MYO9A: variants seen among roughly 807,000 people sequenced by gnomAD.
MYO9A encodes myosin IXA, also known as unconventional myosin-IXa.
A neutral mutation model predicts 293.3 loss-of-function variants in MYO9A; 103 were observed. The ratio of observed to expected loss-of-function variants is 0.35; its 90% CI spans 0.30 to 0.41. The LOEUF is 0.41. Among genes scored for constraint, MYO9A ranks in the 10% least tolerant of loss-of-function variants. The pLI is 1.00. For missense variants in MYO9A, 2,685 were observed against 3,033.0 expected, an observed-to-expected ratio of 0.89 and a Z score of 2.69; for synonymous variants, 1,001 against 1,035.7, an observed-to-expected ratio of 0.97 and a Z score of 0.64.
At chr15:71,983,470 C>CTTTTTTTTTTTTTTTTTTTTTTTT (rs1170508506) in intron 11 of MYO9A, among the ~76,000 whole-genome samples, 4 of 72,904 alleles carry the variant, frequency 5.5e-5, no homozygotes, top group Admixed American at 2.1e-4. Flanking sequence ...TTTTTTATTT[C>CTTTTTTTTTTTTTTTTTTTTTTTT]TTTTTTTTTT....
intron 1 of MYO9A, among the ~76,000 whole-genome samples, chr15:72,048,951 A>T (rs1018650845): frequency 1.3e-5 from 2 of 152,196 alleles, no homozygotes; most frequent in Non-Finnish European, 2.9e-5. Flanking sequence ...TTTCAAAATT[A>T]TTTATACTTA....
intron 18 of MYO9A, among the ~76,000 whole-genome samples, chr15:71,932,789 A>G (rs2058513761): frequency 6.6e-6 from 1 of 152,102 alleles, no homozygotes; most frequent in Non-Finnish European, 1.5e-5. Flanking sequence ...GCATGTAATT[A>G]TTTTGAGATT....
At chr15:71,990,477 TG>T (rs1168410700) in intron 11 of MYO9A, among the ~76,000 whole-genome samples, 1 of 152,062 alleles carries the variant, frequency 6.6e-6, no homozygotes, top group Non-Finnish European at 1.5e-5. Flanking sequence ...AGATTTAGGC[TG>T]GGCGCAGTGG....
intron 1 of MYO9A, among the ~76,000 whole-genome samples, chr15:72,068,805 C>T (rs2079096579): frequency 6.6e-6 from 1 of 152,074 alleles, no homozygotes; most frequent in South Asian, 2.1e-4. Flanking sequence ...CAATATGCTA[C>T]TCTTAGCACA....
intron 33 of MYO9A, among the ~76,000 whole-genome samples, chr15:71,861,705 A>T (rs570240189): frequency 6.7e-6 from 1 of 149,630 alleles, no homozygotes; most frequent in Admixed American, 6.6e-5. Flanking sequence ...AAAAAAACAA[A>T]TAAGTTTCCT....
chr15:72,032,720 G>T (rs1026856483), intron 2 of MYO9A, 132 bp from the exon 3 acceptor site: 1 of 518,108 alleles, frequency 1.9e-6, no homozygotes, highest in South Asian at 4.4e-5. Flanking sequence ...CAATTTGCTT[G>T]TATGTTCAGA....
chr15:71,872,793 T>C lies in MYO9A; in HGVS notation c.5979+2998A>G, dbSNP rs557157751. Among the ~76,000 whole-genome samples, 5 of 152,320 alleles carry C rather than the reference T, an allele frequency of 3.3e-5. No homozygotes were observed. In the East Asian group the frequency reaches 9.6e-4, roughly 29 times the overall value. On this transcript the variant is annotated intron_variant, in intron 32 of 41. Coordinates refer to ENST00000356056, the MANE Select transcript of MYO9A (RefSeq NM_006901.4). The stretch of plus-strand genomic sequence containing the variant: ...GTATATGTCTGTGTGTGAGTACAGA[T>C]ATTAAAATTTTTAAAAACATATGCA...
At chr15:72,009,580 G>A (rs2077115085) in intron 7 of MYO9A, among the ~76,000 whole-genome samples, 1 of 151,904 alleles carries the variant, frequency 6.6e-6, no homozygotes, top group South Asian at 2.1e-4. Flanking sequence ...TGAGTGTGAT[G>A]GTACAAGCCT....
chr15:72,076,738 A>G (rs898497747), intron 1 of MYO9A, among the ~76,000 whole-genome samples: 1 of 152,198 alleles, frequency 6.6e-6, no homozygotes, highest in East Asian at 1.9e-4. Flanking sequence ...GAATATTGAC[A>G]AACTTATATC....
intron 2 of MYO9A, among the ~76,000 whole-genome samples, chr15:72,038,965 T>G (rs1168659241): frequency 6.6e-6 from 1 of 152,016 alleles, no homozygotes; most frequent in Admixed American, 6.6e-5. Context: ...TATTTACCTA[T>G]AAGATAGATA....
Position 71,933,696 on chromosome 15 carries a change from A to C in MYO9A, c.2536T>G (p.Phe846Val), listed in dbSNP as rs2058547132. 2 of 1,607,532 alleles carry C rather than the reference A, an allele frequency of 1.2e-6. No individual in the cohort carries two copies. Among genetic ancestry groups the C allele is most frequent in the Non-Finnish European group, 1.7e-6 (2 of 1,177,644 alleles). ...TTTGGAAGGGCAGGCTTGGATTTGA[A>C]ATTTTTGTTTCTCCTATAGAGATAA... Reference protein sequence around the residue: ...AHGILTRNKNFKSKPALPKHL... With the variant: ...AHGILTRNKNVKSKPALPKHL... The change falls in exon 18 of 42, where the codon TTC becomes GTC. Residue 846 changes from phenylalanine to valine, a missense_variant. Phe to Val is a conservative substitution (Grantham distance 50). Around this residue, in one of 10 missense-constraint regions of MYO9A, gnomAD observed 1,434 missense variants for 1,497.7 expected, o/e 0.96. Transcript: ENST00000356056.
intron 8 of MYO9A, among the ~76,000 whole-genome samples, chr15:72,003,469 G>A (rs955701870): frequency 6.6e-6 from 1 of 151,802 alleles, no homozygotes; most frequent in African/African-American, 2.4e-5. Context: ...GGCCGAGACG[G>A]GCAGATCACA....
At chr15:71,878,499 TTTTTAA>T (rs1307412220) in intron 30 of MYO9A, among the ~76,000 whole-genome samples, 3 of 152,186 alleles carry the variant, frequency 2.0e-5, no homozygotes, top group Non-Finnish European at 4.4e-5. Context: ...TAAGTGTGAC[TTTTTAA>T]TTTTATGTAG....
chr15:71,971,603 G>GAAAAAAAAAA (rs10709554), intron 12 of MYO9A, among the ~76,000 whole-genome samples: 4 of 141,608 alleles, frequency 2.8e-5, no homozygotes, highest in Non-Finnish European at 4.6e-5. Flanking sequence ...GAAAAAAAAA[G>GAAAAAAAAAA]AAAAAAAAAA....
Position 71,830,111 on chromosome 15 carries a change from C to A in MYO9A, c.7038G>T (p.Glu2346Asp), listed in dbSNP as rs1332983190. The A allele has an allele frequency of 1.2e-6, 2 of 1,613,762 alleles. No homozygotes were observed. The highest frequency in any genetic ancestry group is 1.7e-6 in the Non-Finnish European group (2 of 1,179,850). Reference protein sequence around the residue: ...LTEQIENLQKEKEELTFEMLV... With the variant: ...LTEQIENLQKDKEELTFEMLV... Reference sequence around the variant, plus strand: ...TCCCCTTCCTCCTGGATACTCACTTCTCCTTCTGTAGGTTCTCAATCTGCT... The same window carrying A: ...TCCCCTTCCTCCTGGATACTCACTTATCCTTCTGTAGGTTCTCAATCTGCT... Residue 2346 changes from glutamate (E) to aspartate (D), a missense_variant and splice_region_variant, in exon 40 of 42, where the codon GAG (glutamate) becomes GAT (aspartate). By Grantham distance (45) the Glu-to-Asp change is conservative. Coordinates refer to ENST00000356056, the MANE Select transcript of MYO9A (RefSeq NM_006901.4).
intron 1 of MYO9A, among the ~76,000 whole-genome samples, chr15:72,071,466 C>T (rs1052014348): frequency 1.2e-4 from 19 of 152,146 alleles, no homozygotes; most frequent in Admixed American, 1.2e-3. Flanking sequence ...TAGGGTCAGG[C>T]GCAGTGGCTC....
At chr15:71,934,041 C>A (rs1181923736) in intron 17 of MYO9A, among the ~76,000 whole-genome samples, 1 of 152,030 alleles carries the variant, frequency 6.6e-6, no homozygotes, top group Admixed American at 6.6e-5. Context: ...AGACTTATTT[C>A]TATCATATCA....
intron 11 of MYO9A, among the ~76,000 whole-genome samples, chr15:71,987,959 G>A (rs1041998718): frequency 6.6e-6 from 1 of 152,050 alleles, no homozygotes; most frequent in Non-Finnish European, 1.5e-5. Context: ...CTTCCAAGTA[G>A]TTTTGAACAC....
At chr15:71,925,397 A>G (rs949131315) in intron 18 of MYO9A, among the ~76,000 whole-genome samples, 11 of 151,530 alleles carry the variant, frequency 7.3e-5, no homozygotes, top group Admixed American at 3.3e-4. Context: ...ATATGGATAT[A>G]TACGTATATA....
Sources: allele counts gnomAD v4.1 joint callset (sites outside exome capture counted in the v4.1 genomes callset), GRCh38; gene constraint gnomAD v4.1.1; regional missense constraint gnomAD v4.1.1; transcripts MANE v1.5; gene names NCBI Gene and HGNC (gene_info 2026-07-23, HGNC 2026-07-21).